ZSCAN25: variants seen among roughly 807,000 people sequenced by gnomAD.
ZSCAN25 encodes zinc finger and SCAN domain-containing protein 25.
ZSCAN25 carries 27 observed loss-of-function variants against 38.7 expected under a neutral mutation model. The ratio of observed to expected loss-of-function variants is 0.70; its 90% CI spans 0.51 to 0.96. The LOEUF is 0.96. Ranked by LOEUF, ZSCAN25 falls within the 40% of genes least tolerant of loss-of-function variation. The pLI, the probability that ZSCAN25 is intolerant of heterozygous loss-of-function variation, is 0.00. For synonymous variants in ZSCAN25, 273 were observed against 277.7 expected (o/e 0.98, Z 0.17); for missense variants, 637 against 705.9 (o/e 0.90, Z 1.11).
At chr7:99,722,081 C>G in the ZSCAN25 span, among the ~76,000 whole-genome samples, 1 of 152,196 alleles carries the variant, frequency 6.6e-6, no homozygotes, top group African/African-American at 2.4e-5. Flanking sequence ...CTTTACCTCC[C>G]TGAATTTGCA....
At chr7:99,733,609 G>C in the ZSCAN25 span, among the ~76,000 whole-genome samples, 3 of 152,172 alleles carry the variant, frequency 2.0e-5, no homozygotes, top group South Asian at 2.1e-4. Context: ...GCCACACACA[G>C]AGTGACACTG....
chr7:99,723,274 A>G, the ZSCAN25 span, among the ~76,000 whole-genome samples: 2 of 152,120 alleles, frequency 1.3e-5, no homozygotes, highest in African/African-American at 4.8e-5. Context: ...ACGTTCCATT[A>G]TGACTTGTTA....
chr7:99,632,161 C>A lies in ZSCAN25; in HGVS notation c.*2141C>A. 1 of 985,444 alleles carries A rather than the reference C, an allele frequency of 1.0e-6. No homozygotes were observed. Among genetic ancestry groups the A allele is most frequent in the Non-Finnish European group, 1.2e-6 (1 of 829,936 alleles). The allele number at this position is 985,444 out of a possible 1,614,324, so 61.0% of individuals were successfully genotyped here. A position where few individuals can be genotyped will look rare whatever the true frequency, so the allele number is the denominator to read the frequency against. ...GGCCTTGCTGACTTTCCTATCTGGC[C>A]TCTTCCCTATCTCCTGTGGGGCCAA... On this transcript the variant is annotated 3_prime_UTR_variant, in exon 8 of 8. Transcript: ENST00000394152.
rs768828848 is a variant in ZSCAN25, at chr7:99,632,288, TTTG to T, written c.*2271_*2273del. Reference sequence around the variant, plus strand: ...TATCTATTCAAATGTTAAGAAATATTTTGTTTTCTGTATTTTTCTATTCTTTAG... The same window carrying T: ...TATCTATTCAAATGTTAAGAAATATTTTTTCTGTATTTTTCTATTCTTTAG... On this transcript the variant is annotated 3_prime_UTR_variant, in exon 8 of 8. Transcript: ENST00000394152. The T allele has an allele frequency of 2.1e-3, 2,092 of 976,836 alleles. 4 individuals are homozygous for T. Among genetic ancestry groups the T allele is most frequent in the Non-Finnish European group, 2.2e-3 (1,825 of 822,122 alleles). 60.5% of individuals were successfully genotyped at this position (976,836 alleles called of 1,614,324 possible). A position where few individuals can be genotyped will look rare whatever the true frequency, so the allele number is the denominator to read the frequency against.
the ZSCAN25 span, chr7:99,677,365 A>C: frequency 2.0e-6 from 1 of 491,494 alleles, no homozygotes; most frequent in Non-Finnish European, 2.6e-6. Flanking sequence ...GATGATGTGC[A>C]TAAAAGAATC....
chr7:99,634,260 G>A (rs1808177993), downstream of ZSCAN25, among the ~76,000 whole-genome samples: 1 of 152,238 alleles, frequency 6.6e-6, no homozygotes. Flanking sequence ...GTCATAGTGT[G>A]TGCTATGGGT....
intron 6 of ZSCAN25, 104 bp from the exon 7 acceptor site, chr7:99,623,953 C>A: frequency 6.6e-7 from 1 of 1,511,390 alleles, no homozygotes; most frequent in South Asian, 1.2e-5. Flanking sequence ...TCCCATTCAA[C>A]TGTTGGGAGG....
chr7:99,724,362 G>A, the ZSCAN25 span, among the ~76,000 whole-genome samples: 1 of 152,086 alleles, frequency 6.6e-6, no homozygotes, highest in Admixed American at 6.5e-5. Context: ...GATGATTTTT[G>A]TTGAAAAATG....
chr7:99,637,855 A>G, the ZSCAN25 span, among the ~76,000 whole-genome samples: 2 of 152,358 alleles, frequency 1.3e-5, no homozygotes, highest in East Asian at 3.9e-4. Context: ...AGCCATCTAC[A>G]GCAAGTGATA....
chr7:99,727,204 C>G, the ZSCAN25 span, among the ~76,000 whole-genome samples: 1 of 152,176 alleles, frequency 6.6e-6, no homozygotes, highest in African/African-American at 2.4e-5. Context: ...GGAATTCTTA[C>G]ACAAGGACTG....
chr7:99,663,007 G>A, the ZSCAN25 span: 3 of 1,481,444 alleles, frequency 2.0e-6, no homozygotes, highest in South Asian at 4.1e-5. Flanking sequence ...GCTTCTTGAA[G>A]ACGTGTTACC....
At chr7:99,648,643 G>A in the ZSCAN25 span, among the ~76,000 whole-genome samples, 6 of 150,530 alleles carry the variant, frequency 4.0e-5, no homozygotes, top group African/African-American at 1.2e-4. Flanking sequence ...CCAGGCCTGA[G>A]ACAAATTCTT....
chr7:99,663,932 C>T, the ZSCAN25 span: 8 of 1,555,800 alleles, frequency 5.1e-6, no homozygotes, highest in South Asian at 1.2e-5. Context: ...TTTATCAAAA[C>T]CTAAACATCG....
downstream of ZSCAN25, among the ~76,000 whole-genome samples, chr7:99,635,574 C>G (rs530890829): frequency 2.0e-4 from 30 of 152,166 alleles, no homozygotes; most frequent in Non-Finnish European, 3.2e-4. Flanking sequence ...ATTTCCTTCC[C>G]CCTCCCCCAT....
At chr7:99,638,932 C>T in the ZSCAN25 span, among the ~76,000 whole-genome samples, 1 of 152,242 alleles carries the variant, frequency 6.6e-6, no homozygotes, top group Non-Finnish European at 1.5e-5. Flanking sequence ...TCGGGCATCA[C>T]CGACCGCACA....
the ZSCAN25 span, among the ~76,000 whole-genome samples, chr7:99,660,954 A>G: frequency 1.3e-5 from 2 of 152,212 alleles, no homozygotes; most frequent in Non-Finnish European, 2.9e-5. Flanking sequence ...TCTGTCTTAC[A>G]TACTCAGTGT....
At chr7:99,661,207 G>T in the ZSCAN25 span, among the ~76,000 whole-genome samples, 1 of 152,180 alleles carries the variant, frequency 6.6e-6, no homozygotes, top group East Asian at 1.9e-4. Context: ...CTCAAAGTGT[G>T]TTTCATGGAC....
the ZSCAN25 span, among the ~76,000 whole-genome samples, chr7:99,711,205 T>C: frequency 6.6e-6 from 1 of 152,216 alleles, no homozygotes; most frequent in Non-Finnish European, 1.5e-5. Flanking sequence ...CTCAGTGTCA[T>C]GGTGTGCTCC....
At chr7:99,643,782 A>G in the ZSCAN25 span, among the ~76,000 whole-genome samples, 1 of 151,284 alleles carries the variant, frequency 6.6e-6, no homozygotes, top group East Asian at 2.0e-4. Context: ...CCCCCCTCTC[A>G]GCCCCACATC....
Sources: allele counts gnomAD v4.1 joint callset (sites outside exome capture counted in the v4.1 genomes callset), GRCh38; gene constraint gnomAD v4.1.1; transcripts MANE v1.5; gene names NCBI Gene and HGNC (gene_info 2026-07-23, HGNC 2026-07-21).